The following EPM2A variants were observed in gnomAD, a reference collection of about 807,000 sequenced individuals.
The protein encoded by EPM2A is EPM2A glucan phosphatase, laforin, also known as laforin.
A neutral mutation model predicts 26.5 loss-of-function variants in EPM2A; 21 were observed. The ratio of observed to expected loss-of-function variants is 0.79; its 90% CI spans 0.56 to 1.14. The LOEUF (loss-of-function observed/expected upper bound fraction) is 1.14. EPM2A is among the 50% of genes most tolerant of loss of function. The pLI is 0.00. For missense variants in EPM2A, 458 were observed against 440.8 expected, an observed-to-expected ratio of 1.04 and a Z score of -0.35; for synonymous variants, 217 against 177.6, an observed-to-expected ratio of 1.22 and a Z score of -1.76.
At chr6:145,430,147 G>A (rs1278613149) in intron 4 of EPM2A, among the ~76,000 whole-genome samples, 1 of 151,926 alleles carries the variant, frequency 6.6e-6, no homozygotes, top group African/African-American at 2.4e-5. Flanking sequence ...AGCCGAGATG[G>A]CACCATTGCA....
At position 145,469,841 on chromosome 6, in the gene EPM2A, A is replaced by T. The variant is rs1487613523; in HGVS notation, c.555+32681T>A. Among the ~76,000 whole-genome samples, 3 of 152,332 alleles carry T rather than the reference A, an allele frequency of 2.0e-5. No individual in the cohort carries two copies. The South Asian group carries it at 6.2e-4, about 32-fold the overall frequency. On this transcript the variant is annotated intron_variant, in intron 4 of 4. Coordinates refer to the EPM2A transcript ENST00000638717. The stretch of plus-strand genomic sequence containing the variant: ...ACACAATGCAGTACTATTCAGCCAT[A>T]AAGAAGAATGAGATTCTGTTATTTA...
At chr6:145,615,854 A>G (rs898183054) in intron 2 of EPM2A, among the ~76,000 whole-genome samples, 1 of 152,118 alleles carries the variant, frequency 6.6e-6, no homozygotes, top group Non-Finnish European at 1.5e-5. Flanking sequence ...TATCTGGCAG[A>G]AGAAATTTCT....
intron 2 of EPM2A, among the ~76,000 whole-genome samples, chr6:145,583,568 A>G (rs977595001): frequency 1.3e-5 from 2 of 152,170 alleles, no homozygotes; most frequent in Non-Finnish European, 2.9e-5. Flanking sequence ...TAGCCCCAAC[A>G]TTCCAATGGC....
chr6:145,612,589 G>C lies in EPM2A; in HGVS notation c.340+22656C>G, dbSNP rs150628985. Among the ~76,000 whole-genome samples, 6 of 151,876 alleles carry C rather than the reference G, an allele frequency of 4.0e-5. No individual in the cohort carries two copies. The South Asian group carries it at 8.3e-4, about 21-fold the overall frequency. On this transcript the variant is annotated intron_variant, in intron 2 of 3. Coordinates refer to the EPM2A transcript ENST00000450221. ...AAACCTCAGAGATACTGCAGATTTG[G>C]TGCCAGACCACTGCAATAAAGTCAG...
At chr6:145,559,740 A>G (rs1028252991) in intron 2 of EPM2A, among the ~76,000 whole-genome samples, 1 of 149,204 alleles carries the variant, frequency 6.7e-6, no homozygotes, top group Admixed American at 6.7e-5. Flanking sequence ...CGGTAAACTA[A>G]TTGATACCAA....
chr6:145,588,980 G>A (rs1282446687), intron 2 of EPM2A, among the ~76,000 whole-genome samples: 3 of 152,224 alleles, frequency 2.0e-5, no homozygotes, highest in Admixed American at 6.5e-5. Flanking sequence ...AGCAAGAGAA[G>A]CTACTACCCC....
rs900968696 is a variant in EPM2A, at chr6:145,630,033, G to T, written c.719-2340C>A. On this transcript the variant is annotated intron_variant, in intron 3 of 3. Coordinates refer to ENST00000367519, the MANE Select transcript of EPM2A (RefSeq NM_005670.4). ...TGGGTCTGCACCAAATAGCACAAAT[G>T]ATGCAATACATTCCCCTTTTCATTT... The T allele has an allele frequency of 5.3e-5, 8 of 152,240 alleles. No homozygotes were observed. In the East Asian group the frequency reaches 1.3e-3, roughly 26 times the overall value. 9.4% of individuals were successfully genotyped at this position (152,240 alleles called of 1,614,324 possible). A position where few individuals can be genotyped will look rare whatever the true frequency, so the allele number is the denominator to read the frequency against.
intron 4 of EPM2A, among the ~76,000 whole-genome samples, chr6:145,458,371 T>C (rs1422519168): frequency 6.6e-6 from 1 of 152,170 alleles, no homozygotes; most frequent in Non-Finnish European, 1.5e-5. Context: ...CTATCTATTC[T>C]TATACACGGC....
chr6:145,733,471 A>T (rs1776617790), intron 1 of EPM2A, among the ~76,000 whole-genome samples: 1 of 152,148 alleles, frequency 6.6e-6, no homozygotes, highest in Admixed American at 6.5e-5. Context: ...CTATTAGAAA[A>T]ATTAAAAACA....
chr6:145,548,862 A>G (rs1319546839), intron 2 of EPM2A, among the ~76,000 whole-genome samples: 1 of 152,110 alleles, frequency 6.6e-6, no homozygotes, highest in Non-Finnish European at 1.5e-5. Context: ...CCCACTCCAA[A>G]GAGAATTATC....
chr6:145,668,525 C>T (rs1019252277), intron 2 of EPM2A, among the ~76,000 whole-genome samples: 1 of 151,922 alleles, frequency 6.6e-6, no homozygotes, highest in Admixed American at 6.6e-5. Flanking sequence ...CATTTGTATC[C>T]TTTTTTATGT....
At chr6:145,598,876 T>G (rs1379266517) in intron 2 of EPM2A, among the ~76,000 whole-genome samples, 1 of 152,190 alleles carries the variant, frequency 6.6e-6, no homozygotes, top group Non-Finnish European at 1.5e-5. Context: ...CTTTCCCCAT[T>G]GCTTGTTTTT....
chr6:145,559,266 G>C (rs1013853352), intron 2 of EPM2A, among the ~76,000 whole-genome samples: 8 of 152,012 alleles, frequency 5.3e-5, no homozygotes, highest in Admixed American at 2.6e-4. Context: ...TAGAGCCTAG[G>C]GCATTATCCA....
At chr6:145,667,510 A>T (rs549818381) in intron 2 of EPM2A, among the ~76,000 whole-genome samples, 381 of 150,574 alleles carry the variant, frequency 2.5e-3, no homozygotes, top group Admixed American at 5.2e-3. Context: ...AAAAGTCAGG[A>T]AACAACAGGT....
rs947346084 is a variant in EPM2A at position 145,429,442 on chromosome 6, A to G, written c.556-45345T>C. ...GGTGTATATAGCAGGTGATTAATCT[A>G]TATTTCTCAAGTGATAAAGAATATT... is the stretch of plus-strand genomic sequence containing the variant. On this transcript the variant is annotated intron_variant, in intron 4 of 4. Transcript: ENST00000638717. Among the ~76,000 whole-genome samples the G allele has an allele frequency of 4.6e-5, 7 of 152,178 alleles. No homozygotes were observed. The East Asian group carries it at 7.7e-4, about 17-fold the overall frequency.
chr6:145,723,526 T>C (rs1776048349), intron 1 of EPM2A, among the ~76,000 whole-genome samples: 1 of 152,164 alleles, frequency 6.6e-6, no homozygotes, highest in Non-Finnish European at 1.5e-5. Context: ...TTTAAGAATA[T>C]GCTGGACAAA....
rs150494943 is a variant in EPM2A, at chr6:145,477,975, G to A, written c.555+24547C>T. The stretch of plus-strand genomic sequence containing the variant: ...GATATAAAGGGCATCCAAATTGAAA[G>A]GAAGAAGTCAAATTATCCTTGTTTG... On this transcript the variant is annotated intron_variant, in intron 4 of 4. Transcript: ENST00000638717. Among the ~76,000 whole-genome samples, 387 of 151,584 alleles carry A rather than the reference G, an allele frequency of 2.6e-3. 5 individuals are homozygous for A. The highest frequency in any genetic ancestry group is 9.1e-3 in the African/African-American group (377 of 41,518).
intron 3 of EPM2A, among the ~76,000 whole-genome samples, chr6:145,633,275 G>A (rs890250396): frequency 1.3e-5 from 2 of 152,154 alleles, no homozygotes; most frequent in Non-Finnish European, 2.9e-5. Flanking sequence ...ATTCAGAGAT[G>A]CTAACATCAA....
At chr6:145,575,892 C>A (rs556934387) in intron 2 of EPM2A, among the ~76,000 whole-genome samples, 1 of 152,318 alleles carries the variant, frequency 6.6e-6, no homozygotes, top group Non-Finnish European at 1.5e-5. Flanking sequence ...GTACCAACAT[C>A]TATAGTAGTC....
Sources: allele counts gnomAD v4.1 joint callset (sites outside exome capture counted in the v4.1 genomes callset), GRCh38; gene constraint gnomAD v4.1.1; transcripts MANE v1.5; gene names NCBI Gene and HGNC (gene_info 2026-07-23, HGNC 2026-07-21).